TCF12: variants seen among roughly 807,000 people sequenced by gnomAD.
The protein encoded by TCF12 is DNA-binding protein HTF4.
In TCF12, 45 loss-of-function variants were observed where a neutral mutation model predicts 86.0. The ratio of observed to expected loss-of-function variants is 0.52; its 90% confidence interval spans 0.41 to 0.67. The LOEUF is 0.67. Ranked by LOEUF, TCF12 falls within the 30% of genes least tolerant of loss-of-function variation. TCF12 has a pLI of 0.00. For missense variants in TCF12, 881 were observed against 859.9 expected (o/e 1.02, Z -0.31); for synonymous variants, 330 against 299.6 (o/e 1.10, Z -1.05).
chr15:57,167,018 A>G (rs1272543545), intron 6 of TCF12, among the ~76,000 whole-genome samples: 2 of 152,126 alleles, frequency 1.3e-5, no homozygotes, highest in East Asian at 1.9e-4. Flanking sequence ...TGAACACACA[A>G]TTCACCTGCA....
rs372235874 is a variant in TCF12, at chr15:56,990,151, C to CTTTTTTTTTTT, written c.148+69062_148+69072dup. On this transcript the variant is annotated intron_variant, in intron 3 of 20. Coordinates refer to ENST00000333725, the MANE Select transcript of TCF12 (RefSeq NM_207037.2). The stretch of plus-strand genomic sequence containing the variant: ...CATTTATTTTTAGGCATAGTCTTGT[C>CTTTTTTTTTTT]TTTTTTTTTTTTTTTTTTTGGTAAA... Among the ~76,000 whole-genome samples the CTTTTTTTTTTT allele has an allele frequency of 1.9e-4, 18 of 92,714 alleles. 1 individual carries two copies. Among genetic ancestry groups the CTTTTTTTTTTT allele is most frequent in the East Asian group, 3.0e-4 (1 of 3,300 alleles). 60.8% of individuals were successfully genotyped at this position (92,714 alleles called of 152,430 possible).
rs60475803 is a variant in TCF12 at position 57,053,741 on chromosome 15, C to T, written c.149-10009C>T. Among the ~76,000 whole-genome samples, 166 of 152,188 alleles carry T rather than the reference C, an allele frequency of 1.1e-3. 2 individuals are homozygous for T. In the East Asian group the frequency reaches 0.028, roughly 25 times the overall value. On this transcript the variant is annotated intron_variant, in intron 3 of 20. Transcript: ENST00000333725. ...AGTAGTTGGTATGGAAGTGATCAGC[C>T]CCCAGTTGCCTGAAGTATCTATCAT...
rs549121576 is a variant in TCF12, at chr15:57,179,179, T to C, written c.390+12713T>C. 2.1e-4 allele frequency among the ~76,000 whole-genome samples: 32 copies of C among 152,292 alleles called. No individual in the cohort carries two copies. In the South Asian group the frequency reaches 2.5e-3, roughly 12 times the overall value. ...ATTACATGCATAGTTTATTTTCTTTTTTTGTGCTAGAAAGACTGGGCTGAT... is the reference window on the plus strand; with the variant it reads ...ATTACATGCATAGTTTATTTTCTTTCTTTGTGCTAGAAAGACTGGGCTGAT... On this transcript the variant is annotated intron_variant, in intron 6 of 20. Transcript: ENST00000333725.
intron 5 of TCF12, among the ~76,000 whole-genome samples, chr15:57,128,761 A>G (rs1163224771): frequency 6.6e-6 from 1 of 152,218 alleles, no homozygotes; most frequent in Non-Finnish European, 1.5e-5. Flanking sequence ...TATTCTGGAT[A>G]TTGCATATAA....
intron 7 of TCF12, among the ~76,000 whole-genome samples, chr15:57,197,183 G>GTTTTT (rs1341986217): frequency 3.8e-5 from 3 of 79,716 alleles, no homozygotes; most frequent in Non-Finnish European, 5.3e-5. Flanking sequence ...TGAGACAGAG[G>GTTTTT]TTCTCTCTTG....
intron 5 of TCF12, among the ~76,000 whole-genome samples, chr15:57,148,961 T>A (rs1292033634): frequency 2.0e-5 from 3 of 152,140 alleles, no homozygotes; most frequent in Admixed American, 6.5e-5. Flanking sequence ...CGGGTCTAGG[T>A]GTAGTCTTAA....
At chr15:57,177,686 T>A (rs1220182510) in intron 6 of TCF12, among the ~76,000 whole-genome samples, 4 of 148,756 alleles carry the variant, frequency 2.7e-5, no homozygotes, top group South Asian at 2.1e-4. Flanking sequence ...TCATTCATTC[T>A]TTCTTTTATT....
intron 3 of TCF12, among the ~76,000 whole-genome samples, chr15:57,055,128 C>T (rs1233169307): frequency 1.3e-5 from 2 of 152,060 alleles, no homozygotes; most frequent in African/African-American, 2.4e-5. Flanking sequence ...GGGCCAGGTG[C>T]GTTGGATCAC....
chr15:57,124,886 T>A (rs1392466534), intron 5 of TCF12, among the ~76,000 whole-genome samples: 1 of 4,964 alleles, frequency 2.0e-4, no homozygotes, highest in Non-Finnish European at 1.0e-3. Context: ...TTTCACCGTG[T>A]CAGTCTTGAT....
At chr15:57,026,451 G>A (rs2141299899) in intron 3 of TCF12, among the ~76,000 whole-genome samples, 1 of 152,276 alleles carries the variant, frequency 6.6e-6, no homozygotes, top group South Asian at 2.1e-4. Context: ...CTGTTGGTAG[G>A]ACTCTTGTAG....
chr15:57,038,458 A>T (rs1755049002), intron 3 of TCF12, among the ~76,000 whole-genome samples: 1 of 138,580 alleles, frequency 7.2e-6, no homozygotes, highest in South Asian at 2.7e-4. Flanking sequence ...GGAGAGAAGG[A>T]AGAGAGGGAG....
At chr15:57,262,254 A>G (rs767241913) in intron 17 of TCF12, 46 bp downstream of exon 17, 73 of 1,317,432 alleles carry the variant, frequency 5.5e-5, no homozygotes, top group Non-Finnish European at 7.3e-5. Context: ...CAGAGATATC[A>G]TTTGGAACAC....
At chr15:57,095,094 G>A (rs1164373041) in intron 5 of TCF12, among the ~76,000 whole-genome samples, 1 of 152,180 alleles carries the variant, frequency 6.6e-6, no homozygotes, top group Admixed American at 6.5e-5. Context: ...CTGTGGATAT[G>A]TCAATATGGG....
At chr15:57,056,975 T>G (rs544430112) in intron 3 of TCF12, among the ~76,000 whole-genome samples, 1 of 152,298 alleles carries the variant, frequency 6.6e-6, no homozygotes, top group Non-Finnish European at 1.5e-5. Context: ...TCAAAGAATT[T>G]TGGATATTAT....
intron 1 of TCF12, chr15:56,919,688 G>A: frequency 2.5e-6 from 1 of 404,812 alleles, no homozygotes; most frequent in Non-Finnish European, 4.5e-6. Context: ...GGGCCGCGGC[G>A]AGGAACGCGT....
intron 15 of TCF12, 54 bp downstream of exon 15, chr15:57,252,546 C>A: frequency 7.0e-7 from 1 of 1,431,992 alleles, no homozygotes; most frequent in South Asian, 1.2e-5. Flanking sequence ...TTATACTTCC[C>A]ACTATTCATT....
intron 5 of TCF12, among the ~76,000 whole-genome samples, chr15:57,148,701 CAAAAAA>C (rs61526953): frequency 9.2e-4 from 114 of 124,352 alleles, no homozygotes; most frequent in African/African-American, 2.3e-3. Context: ...GGTGACGTGG[CAAAAAA>C]AAAAAAAAAA....
chr15:56,984,886 A>G (rs1379688658), intron 3 of TCF12, among the ~76,000 whole-genome samples: 2 of 152,230 alleles, frequency 1.3e-5, no homozygotes, highest in African/African-American at 2.4e-5. Flanking sequence ...TTTGTTTGTT[A>G]AGAACCTTTG....
rs1330959613 is a variant in TCF12 at position 57,245,404 on chromosome 15, A to T, written c.1114+1854A>T. ...CAGAGCTGAAATTACAGGAAGAATG[A>T]TGTAACTCTAACCCTACTCACCCTC... On this transcript the variant is annotated intron_variant, in intron 13 of 20. Coordinates refer to ENST00000333725, the MANE Select transcript of TCF12 (RefSeq NM_207037.2). Among the ~76,000 whole-genome samples, 3 of 152,368 alleles carry T rather than the reference A, an allele frequency of 2.0e-5. No individual in the cohort carries two copies. The East Asian group carries it at 5.8e-4, about 29-fold the overall frequency.
Sources: gnomAD v4.1 joint callset for allele counts (sites outside exome capture counted in the v4.1 genomes callset) on GRCh38, gnomAD v4.1.1 for gene constraint, MANE v1.5 for transcripts, NCBI Gene and HGNC (gene_info 2026-07-23, HGNC 2026-07-21) for gene names.